The following GUCA1C variants were observed in gnomAD, a reference collection of about 807,000 sequenced individuals.
GUCA1C encodes guanylate cyclase activator 1C, also known as guanylyl cyclase-activating protein 3.
GUCA1C carries 15 observed loss-of-function variants against 16.2 expected under a neutral mutation model. That is an observed-to-expected ratio of 0.93 (90% CI 0.62 to 1.43). The LOEUF is 1.43. Ranked by LOEUF, GUCA1C falls within the 40% of genes most tolerant of loss-of-function variation. The pLI, the probability that GUCA1C is intolerant of heterozygous loss-of-function variation, is 0.00. For synonymous variants in GUCA1C, 78 were observed against 85.4 expected, an observed-to-expected ratio of 0.91 and a Z score of 0.48; for missense variants, 275 against 244.8, an observed-to-expected ratio of 1.12 and a Z score of -0.82.
intron 3 of GUCA1C, among the ~76,000 whole-genome samples, chr3:108,912,486 G>T (rs1438148866): frequency 6.6e-6 from 1 of 151,356 alleles, no homozygotes; most frequent in Non-Finnish European, 1.5e-5. Flanking sequence ...TGATGCTTTT[G>T]TTCGTAATAT....
intron 1 of GUCA1C, among the ~76,000 whole-genome samples, chr3:108,933,431 G>A (rs944725325): frequency 6.6e-6 from 1 of 152,114 alleles, no homozygotes; most frequent in African/African-American, 2.4e-5. Context: ...GAGGTGTCAG[G>A]ATATGAAAGT....
chr3:108,941,765 G>A (rs559402267), intron 1 of GUCA1C, among the ~76,000 whole-genome samples: 3 of 152,310 alleles, frequency 2.0e-5, no homozygotes, highest in African/African-American at 7.2e-5. Flanking sequence ...CCAGAAGCTG[G>A]AGGTATCATC....
intron 1 of GUCA1C, among the ~76,000 whole-genome samples, chr3:108,941,848 G>A (rs118179130): frequency 6.6e-5 from 10 of 152,310 alleles, no homozygotes; most frequent in East Asian, 1.9e-4. Context: ...CAGCTAGGAT[G>A]TAAGTGTAGT....
chr3:108,911,672 T>C (rs552954209), intron 3 of GUCA1C, among the ~76,000 whole-genome samples: 55 of 152,338 alleles, frequency 3.6e-4, no homozygotes. Flanking sequence ...GTAATTCTCG[T>C]TTTCCCAGTT....
intron 3 of GUCA1C, among the ~76,000 whole-genome samples, chr3:108,915,640 A>T (rs549811729): frequency 6.6e-6 from 1 of 152,326 alleles, no homozygotes; most frequent in South Asian, 2.1e-4. Flanking sequence ...AAATGGAGGC[A>T]AGTGTGGACT....
chr3:108,925,528 G>T (rs746482457), intron 1 of GUCA1C, among the ~76,000 whole-genome samples: 1 of 152,128 alleles, frequency 6.6e-6, no homozygotes, highest in Non-Finnish European at 1.5e-5. Context: ...ACTGAGACTT[G>T]TTTTGTGGCC....
chr3:108,939,836 C>G (rs1291757980), intron 1 of GUCA1C, among the ~76,000 whole-genome samples: 1 of 152,080 alleles, frequency 6.6e-6, no homozygotes, highest in Non-Finnish European at 1.5e-5. Flanking sequence ...CATCAGGCAG[C>G]TTAAAAAACA....
chr3:108,947,223 G>C (rs1946852282), intron 1 of GUCA1C, among the ~76,000 whole-genome samples: 1 of 152,110 alleles, frequency 6.6e-6, no homozygotes, highest in South Asian at 2.1e-4. Context: ...GTAAGCTAGA[G>C]AAAATAAAAT....
intron 1 of GUCA1C, among the ~76,000 whole-genome samples, chr3:108,930,109 G>T (rs2107296656): frequency 6.6e-6 from 1 of 152,302 alleles, no homozygotes; most frequent in Admixed American, 6.5e-5. Flanking sequence ...TTTTAGGAAA[G>T]GTGGCCAGCT....
chr3:108,953,624 G>C lies in GUCA1C; in HGVS notation c.139C>G (p.Gln47Glu). The part of the protein sequence containing the change: ...LHEFKTLLGL[Q>E]GLNQKANKHI... ...TTATTGGCCTTCTGATTCAGACCTT[G>C]CAGACCCAAAAGTGTCTTAAATTCA... Residue 47 changes from glutamine to glutamate, a missense_variant, in exon 1 of 4, where the codon CAA becomes GAA. Coordinates refer to ENST00000261047, the MANE Select transcript of GUCA1C (RefSeq NM_005459.4). 6.2e-7 allele frequency: 1 copy of C among 1,612,938 alleles called. No homozygotes were observed. The highest frequency in any genetic ancestry group is 8.5e-7 in the Non-Finnish European group (1 of 1,178,878).
chr3:108,921,907 A>G (rs1260850859), intron 1 of GUCA1C, among the ~76,000 whole-genome samples: 1 of 152,052 alleles, frequency 6.6e-6, no homozygotes, highest in Admixed American at 6.6e-5. Context: ...ACTGTACCCA[A>G]TGTGTAGTCT....
chr3:108,934,478 A>G (rs34250645), intron 1 of GUCA1C, among the ~76,000 whole-genome samples: 3,857 of 152,294 alleles, frequency 0.025, 74 homozygotes, highest in Middle Eastern at 0.12. Flanking sequence ...ACCACTTAAA[A>G]CAGAGCTGCC....
chr3:108,925,717 G>T (rs1307950342), intron 1 of GUCA1C, among the ~76,000 whole-genome samples: 11 of 152,166 alleles, frequency 7.2e-5, no homozygotes, highest in Admixed American at 2.6e-4. Context: ...GGTATCAGTG[G>T]AGTATTAAAG....
chr3:108,941,311 C>T (rs1343316802), intron 1 of GUCA1C, among the ~76,000 whole-genome samples: 1 of 152,172 alleles, frequency 6.6e-6, no homozygotes, highest in African/African-American at 2.4e-5. Context: ...AAATAACAAC[C>T]TAAGGATTTT....
At chr3:108,926,637 C>T (rs970382665) in intron 1 of GUCA1C, among the ~76,000 whole-genome samples, 7 of 152,020 alleles carry the variant, frequency 4.6e-5, no homozygotes, top group Non-Finnish European at 8.8e-5. Context: ...CACGCCACCA[C>T]GCCCAGCTAA....
intron 1 of GUCA1C, among the ~76,000 whole-genome samples, chr3:108,929,640 G>A (rs528808041): frequency 6.6e-6 from 1 of 152,104 alleles, no homozygotes; most frequent in East Asian, 1.9e-4. Flanking sequence ...TAGAGAAAAT[G>A]TTTACTTCTT....
At chr3:108,946,264 A>G (rs1946842608) in intron 1 of GUCA1C, among the ~76,000 whole-genome samples, 1 of 152,134 alleles carries the variant, frequency 6.6e-6, no homozygotes, top group Admixed American at 6.5e-5. Flanking sequence ...AGTATCTGAG[A>G]CTATAGATGT....
chr3:108,937,254 G>A (rs1285892759), intron 1 of GUCA1C, among the ~76,000 whole-genome samples: 6 of 152,160 alleles, frequency 3.9e-5, no homozygotes, highest in Non-Finnish European at 7.3e-5. Flanking sequence ...CCTCGTAGCT[G>A]CATTATAGGC....
intron 1 of GUCA1C, among the ~76,000 whole-genome samples, chr3:108,938,516 T>C (rs1946752703): frequency 6.6e-6 from 1 of 152,222 alleles, no homozygotes; most frequent in East Asian, 1.9e-4. Flanking sequence ...ATAGGCAATA[T>C]AAGGTCCTTT....
Sources: allele counts gnomAD v4.1 joint callset (sites outside exome capture counted in the v4.1 genomes callset), GRCh38; gene constraint gnomAD v4.1.1; transcripts MANE v1.5; gene names NCBI Gene and HGNC (gene_info 2026-07-23, HGNC 2026-07-21).